Variants in FBXO4 observed in about 807,000 individuals in gnomAD.
FBXO4 encodes the protein F-box protein 4.
A neutral mutation model predicts 43.7 loss-of-function variants in FBXO4; 36 were observed. That is an observed-to-expected ratio of 0.82 (90% CI 0.63 to 1.09). FBXO4 has a LOEUF of 1.09. Ranked by LOEUF, FBXO4 falls within the 50% of genes least tolerant of loss-of-function variation. FBXO4 has a pLI of 0.00. For synonymous variants in FBXO4, 180 were observed against 165.6 expected, an observed-to-expected ratio of 1.09 and a Z score of -0.67; for missense variants, 435 against 474.1, an observed-to-expected ratio of 0.92 and a Z score of 0.77.
At chr5:41,929,974 T>TA (rs1337497525) in intron 3 of FBXO4, 57 bp downstream of exon 3, 1 of 1,314,316 alleles carries the variant, frequency 7.6e-7, no homozygotes, top group Non-Finnish European at 1.1e-6. Flanking sequence ...ACATTCTTGT[T>TA]AAAAAGAAAG....
the FBXO4 span, among the ~76,000 whole-genome samples, chr5:42,032,673 C>T: frequency 5.9e-3 from 904 of 152,264 alleles, 12 homozygotes; most frequent in African/African-American, 0.021. Flanking sequence ...TGCCATCCAA[C>T]GTTCAATTCC....
the FBXO4 span, among the ~76,000 whole-genome samples, chr5:41,973,448 G>A: frequency 6.6e-6 from 1 of 152,268 alleles, no homozygotes; most frequent in South Asian, 2.1e-4. Context: ...ATGGTGAGGC[G>A]AGAGGATTGC....
the FBXO4 span, chr5:41,968,251 C>T: frequency 1.1e-5 from 2 of 180,650 alleles, no homozygotes; most frequent in Admixed American, 1.1e-4. Flanking sequence ...AAGAGCTCGT[C>T]CGAGGGAGTT....
the FBXO4 span, among the ~76,000 whole-genome samples, chr5:41,998,346 G>C: frequency 6.6e-6 from 1 of 152,166 alleles, no homozygotes; most frequent in Admixed American, 6.5e-5. Context: ...ATTTCAAAAG[G>C]CATTGGTTAA....
At chr5:41,942,227 T>C (rs1223808204), downstream of FBXO4, among the ~76,000 whole-genome samples, 2 of 152,090 alleles carry the variant, frequency 1.3e-5, no homozygotes, top group African/African-American at 2.4e-5. Context: ...TAATGGACTA[T>C]TGGGTTTAGG....
intron 1 of FBXO4, 73 bp downstream of exon 1, chr5:41,925,571 C>A: frequency 8.5e-7 from 1 of 1,179,318 alleles, no homozygotes; most frequent in Non-Finnish European, 1.1e-6. Context: ...TGGAGCCCCC[C>A]GGGGCCTGGG....
the FBXO4 span, among the ~76,000 whole-genome samples, chr5:41,982,046 A>C: frequency 8.1e-4 from 123 of 152,276 alleles, no homozygotes; most frequent in South Asian, 3.5e-3. Context: ...GATGGTTTCC[A>C]GCTTCATCCA....
the FBXO4 span, among the ~76,000 whole-genome samples, chr5:42,010,884 T>C: frequency 6.6e-6 from 1 of 152,160 alleles, no homozygotes; most frequent in Non-Finnish European, 1.5e-5. Context: ...TTTTCTTTTT[T>C]TTTAAATTAT....
At chr5:41,974,861 C>T in the FBXO4 span, among the ~76,000 whole-genome samples, 1 of 152,042 alleles carries the variant, frequency 6.6e-6, no homozygotes, top group Non-Finnish European at 1.5e-5. Flanking sequence ...AAATACTAGT[C>T]ATGTTACGTA....
chr5:41,999,495 ATATATATATG>A, the FBXO4 span, among the ~76,000 whole-genome samples: 7 of 54,946 alleles, frequency 1.3e-4, no homozygotes, highest in Non-Finnish European at 2.5e-4. Context: ...ATATATATAC[ATATATATATG>A]TGTATATATA....
chr5:41,944,104 C>T (rs550966815), downstream of FBXO4, among the ~76,000 whole-genome samples: 1 of 152,200 alleles, frequency 6.6e-6, no homozygotes, highest in African/African-American at 2.4e-5. Context: ...TCATGGCAGC[C>T]CTAGCACACT....
At chr5:42,008,849 G>T in the FBXO4 span, among the ~76,000 whole-genome samples, 1 of 152,098 alleles carries the variant, frequency 6.6e-6, no homozygotes, top group South Asian at 2.1e-4. Context: ...CAGGTTGATG[G>T]GAGAGCATGA....
chr5:42,007,396 A>T, the FBXO4 span, among the ~76,000 whole-genome samples: 2 of 152,142 alleles, frequency 1.3e-5, no homozygotes, highest in African/African-American at 4.8e-5. Context: ...AAAGTAATTT[A>T]AAAAGTATTA....
the FBXO4 span, among the ~76,000 whole-genome samples, chr5:42,039,504 C>T: frequency 2.0e-5 from 3 of 152,038 alleles, no homozygotes; most frequent in Non-Finnish European, 2.9e-5. Context: ...TCTTTCTCCT[C>T]TGTCAGTAAT....
At chr5:41,994,131 A>G in the FBXO4 span, among the ~76,000 whole-genome samples, 40 of 152,348 alleles carry the variant, frequency 2.6e-4, no homozygotes, top group African/African-American at 8.2e-4. Flanking sequence ...TAATAAGGTC[A>G]TAATTATGCC....
intron 2 of FBXO4, among the ~76,000 whole-genome samples, chr5:41,928,020 C>G (rs1188952565): frequency 2.6e-5 from 4 of 152,148 alleles, no homozygotes; most frequent in African/African-American, 9.7e-5. Context: ...TTGTGCTTGA[C>G]TCAGTAGCAA....
the FBXO4 span, among the ~76,000 whole-genome samples, chr5:42,010,865 G>A: frequency 6.6e-6 from 1 of 151,814 alleles, no homozygotes; most frequent in African/African-American, 2.4e-5. Context: ...GTTATTTTCT[G>A]CTCTTTCTTT....
At chr5:41,995,275 A>G in the FBXO4 span, among the ~76,000 whole-genome samples, 50 of 152,210 alleles carry the variant, frequency 3.3e-4, no homozygotes, top group Non-Finnish European at 1.0e-4. Flanking sequence ...GAAGCATTGA[A>G]TGCAGGATAG....
the FBXO4 span, among the ~76,000 whole-genome samples, chr5:41,972,371 C>T: frequency 6.6e-6 from 1 of 151,924 alleles, no homozygotes. Context: ...GATAAAGTAC[C>T]TAGGAATATA....
Sources: gnomAD v4.1 joint callset for allele counts (sites outside exome capture counted in the v4.1 genomes callset) on GRCh38, gnomAD v4.1.1 for gene constraint, MANE v1.5 for transcripts, NCBI Gene and HGNC (gene_info 2026-07-23, HGNC 2026-07-21) for gene names.